The following DLGAP1 variants were observed in gnomAD, a reference collection of about 807,000 sequenced individuals.
The protein encoded by DLGAP1 is DLG associated protein 1, also known as disks large-associated protein 1.
A neutral mutation model predicts 90.8 loss-of-function variants in DLGAP1; 11 were observed. The ratio of observed to expected loss-of-function variants is 0.12; its 90% CI spans 0.08 to 0.20. DLGAP1 has a LOEUF of 0.20. Ranked by LOEUF, DLGAP1 falls within the 10% of genes least tolerant of loss-of-function variation. The pLI is 1.00. For missense variants in DLGAP1, 1,050 were observed against 1,333.8 expected (o/e 0.79, Z 3.31); for synonymous variants, 558 against 540.7 (o/e 1.03, Z -0.44).
rs1186322862 is a variant in DLGAP1 at position 4,075,318 on chromosome 18, A to T, written c.-158-70117T>A. Among the ~76,000 whole-genome samples the T allele has an allele frequency of 3.9e-5, 6 of 152,314 alleles. No individual in the cohort carries two copies. The East Asian group carries it at 1.2e-3, about 29-fold the overall frequency. On this transcript the variant is annotated intron_variant, in intron 2 of 12. Transcript: ENST00000315677. Reference sequence around the variant, plus strand: ...ATTCTTCTGAGTTGTGACTGGGTCAACCTTTCTCTACAGTGTAAAAAGAAA... The same window carrying T: ...ATTCTTCTGAGTTGTGACTGGGTCATCCTTTCTCTACAGTGTAAAAAGAAA...
Position 3,978,754 on chromosome 18 carries a change from G to A in DLGAP1, c.-73+26362C>T, listed in dbSNP as rs189754727. The A allele has an allele frequency of 1.4e-3, 208 of 152,914 alleles. 2 individuals are homozygous for A. Among genetic ancestry groups the A allele is most frequent in the Non-Finnish European group, 3.6e-4 (25 of 68,510 alleles). 9.5% of individuals were successfully genotyped at this position (152,914 alleles called of 1,614,324 possible). A position where few individuals can be genotyped will look rare whatever the true frequency, so the allele number is the denominator to read the frequency against. On this transcript the variant is annotated intron_variant, in intron 3 of 12. Coordinates refer to ENST00000315677, the MANE Select transcript of DLGAP1 (RefSeq NM_004746.4). ...TTCCCACTCTAGAACTTTCGAAGGC[G>A]ATTCAATTTTCCCCCTAGTTTTTTT...
rs75699693 is a variant in DLGAP1, at chr18:4,253,280, A to G, written c.-266-101993T>C. On this transcript the variant is annotated intron_variant, in intron 1 of 12. Transcript: ENST00000315677. ...GCTGTGTTAGATACAATGAAGAATTACAAAAGAATAAGCAGTGGGGTTATG... is the reference window on the plus strand; with the variant it reads ...GCTGTGTTAGATACAATGAAGAATTGCAAAAGAATAAGCAGTGGGGTTATG... 4.0e-3 allele frequency among the ~76,000 whole-genome samples: 608 copies of G among 152,354 alleles called. 7 individuals are homozygous for G. Among genetic ancestry groups the G allele is most frequent in the African/African-American group, 0.014 (583 of 41,580 alleles).
chr18:4,127,605 C>A (rs1405440869), intron 2 of DLGAP1, among the ~76,000 whole-genome samples: 1 of 152,008 alleles, frequency 6.6e-6, no homozygotes, highest in African/African-American at 2.4e-5. Flanking sequence ...AATGATTTTT[C>A]AAAATAAAAT....
intron 1 of DLGAP1, among the ~76,000 whole-genome samples, chr18:4,312,329 T>G (rs1159409648): frequency 6.6e-6 from 1 of 152,202 alleles, no homozygotes; most frequent in Non-Finnish European, 1.5e-5. Context: ...AATTTGAACA[T>G]GGTCTTACCA....
At chr18:3,720,644 A>G (rs1250152058) in intron 7 of DLGAP1, among the ~76,000 whole-genome samples, 1 of 152,088 alleles carries the variant, frequency 6.6e-6, no homozygotes, top group East Asian at 1.9e-4. Context: ...TGTTAATTAC[A>G]TGGACAATTT....
At chr18:3,665,965 G>A (rs1382385067) in intron 7 of DLGAP1, among the ~76,000 whole-genome samples, 6 of 152,166 alleles carry the variant, frequency 3.9e-5, no homozygotes, top group African/African-American at 1.4e-4. Flanking sequence ...CAGACACCTG[G>A]CGGCTGCCGA....
intron 1 of DLGAP1, among the ~76,000 whole-genome samples, chr18:4,228,070 T>C (rs550204149): frequency 6.6e-6 from 1 of 150,714 alleles, no homozygotes; most frequent in East Asian, 2.0e-4. Flanking sequence ...CTACTATGAG[T>C]AACTGTCAGG....
chr18:4,245,067 T>C (rs554240546), intron 1 of DLGAP1, among the ~76,000 whole-genome samples: 7 of 152,328 alleles, frequency 4.6e-5, no homozygotes, highest in African/African-American at 1.7e-4. Context: ...TTTCACATTG[T>C]TCAACTTAGC....
At position 3,581,955 on chromosome 18, in the gene DLGAP1, T is replaced by A; in HGVS notation, c.1885A>T (p.Thr629Ser). The A allele has an allele frequency of 1.2e-6, 2 of 1,614,122 alleles. No individual in the cohort carries two copies. Among genetic ancestry groups the A allele is most frequent in the Non-Finnish European group, 1.7e-6 (2 of 1,180,000 alleles). Residue 629 changes from threonine (T) to serine (S), a missense_variant, in exon 8 of 13, where the codon ACT (threonine) becomes TCT (serine). Physicochemically the swap from Thr to Ser is moderately conservative, Grantham distance 58 (BLOSUM62 1). Transcript: ENST00000315677. The part of the protein sequence containing the change: ...GNNTATVTTT[T>S]TIATVTTEDR... ...TCCGTGGTGACGGTGGCTATGGTAG[T>A]CGTGGTGGTGACGGTGGCAGTGTTA...
intron 1 of DLGAP1, among the ~76,000 whole-genome samples, chr18:4,422,254 G>T (rs894460441): frequency 4.0e-5 from 6 of 151,738 alleles, no homozygotes; most frequent in Admixed American, 2.6e-4. Flanking sequence ...ACAATGACAT[G>T]ATGTGTAGCC....
intron 2 of DLGAP1, among the ~76,000 whole-genome samples, chr18:4,119,905 G>C (rs2076126163): frequency 6.6e-6 from 1 of 152,074 alleles, no homozygotes; most frequent in South Asian, 2.1e-4. Flanking sequence ...CTTGACATAG[G>C]CACCTATTTA....
chr18:4,360,844 G>A (rs2081615793), intron 1 of DLGAP1, among the ~76,000 whole-genome samples: 2 of 152,118 alleles, frequency 1.3e-5, no homozygotes, highest in Non-Finnish European at 2.9e-5. Flanking sequence ...GCCAGGCATG[G>A]TGGCGGGCAC....
At chr18:3,805,096 C>T (rs2066501996) in intron 5 of DLGAP1, among the ~76,000 whole-genome samples, 1 of 152,128 alleles carries the variant, frequency 6.6e-6, no homozygotes, top group Non-Finnish European at 1.5e-5. Flanking sequence ...AGTAGGTGGC[C>T]AAAACTGATA....
At chr18:3,519,190 G>A (rs1478402865) in intron 10 of DLGAP1, among the ~76,000 whole-genome samples, 1 of 152,148 alleles carries the variant, frequency 6.6e-6, no homozygotes, top group Non-Finnish European at 1.5e-5. Flanking sequence ...ACTGCAAAAC[G>A]AAGGGTCAGA....
At chr18:4,446,740 A>C (rs923605167) in intron 1 of DLGAP1, among the ~76,000 whole-genome samples, 1 of 152,234 alleles carries the variant, frequency 6.6e-6, no homozygotes, top group African/African-American at 2.4e-5. Context: ...CATCATAAAA[A>C]TGAGAAGACA....
Position 4,154,592 on chromosome 18 carries a change from C to A in DLGAP1, c.-266-3305G>T, listed in dbSNP as rs530565799. ...AAAGGTATTGCATTTTATGGAACAC[C>A]TATATTTTCATCAAATACATGTTTT... On this transcript the variant is annotated intron_variant, in intron 1 of 12. Coordinates refer to ENST00000315677, the MANE Select transcript of DLGAP1 (RefSeq NM_004746.4). Among the ~76,000 whole-genome samples the A allele has an allele frequency of 5.9e-5, 9 of 152,210 alleles. 1 individual carries two copies. The highest frequency in any genetic ancestry group is 1.9e-4 in the African/African-American group (8 of 41,530).
At chr18:3,716,449 T>C (rs2061763742) in intron 7 of DLGAP1, among the ~76,000 whole-genome samples, 1 of 152,166 alleles carries the variant, frequency 6.6e-6, no homozygotes, top group Admixed American at 6.5e-5. Context: ...AGTGGGAGGA[T>C]TGCCTGAGCC....
chr18:3,752,450 C>T (rs550253232), intron 5 of DLGAP1, among the ~76,000 whole-genome samples: 24 of 152,032 alleles, frequency 1.6e-4, no homozygotes, highest in African/African-American at 5.3e-4. Flanking sequence ...TCATACAATC[C>T]GTGGCCTTTG....
chr18:4,092,570 T>C (rs77973122), intron 2 of DLGAP1, among the ~76,000 whole-genome samples: 3,262 of 152,092 alleles, frequency 0.021, 111 homozygotes, highest in African/African-American at 0.074. Flanking sequence ...ATGGAGATTG[T>C]TTTTTTTCCT....
Sources: gnomAD v4.1 joint callset for allele counts (sites outside exome capture counted in the v4.1 genomes callset) on GRCh38, gnomAD v4.1.1 for gene constraint, MANE v1.5 for transcripts, NCBI Gene and HGNC (gene_info 2026-07-23, HGNC 2026-07-21) for gene names.